The following NEK1 variants were observed in gnomAD, a reference collection of about 807,000 sequenced individuals.
The protein encoded by NEK1 is serine/threonine-protein kinase Nek1.
In NEK1, 137 loss-of-function variants were observed where a neutral mutation model predicts 182.1. The ratio of observed to expected loss-of-function variants is 0.75; its 90% CI spans 0.65 to 0.87. The LOEUF is 0.87. Ranked by LOEUF, NEK1 falls within the 40% of genes least tolerant of loss-of-function variation. The pLI, the probability that NEK1 is intolerant of heterozygous loss-of-function variation, is 0.00. For missense variants in NEK1, 1,391 were observed against 1,494.4 expected, an observed-to-expected ratio of 0.93 and a Z score of 1.14; for synonymous variants, 513 against 492.2, an observed-to-expected ratio of 1.04 and a Z score of -0.56.
chr4:169,580,993 C>A, intron 10 of NEK1, 91 bp from the exon 11 acceptor site: 15 of 426,270 alleles, frequency 3.5e-5, no homozygotes, highest in Non-Finnish European at 5.0e-5. Context: ...TCCCCTTTTT[C>A]AGTAGTAATT....
intron 23 of NEK1, among the ~76,000 whole-genome samples, chr4:169,487,378 C>T (rs781036703): frequency 2.0e-5 from 3 of 152,150 alleles, no homozygotes; most frequent in Admixed American, 2.0e-4. Flanking sequence ...GTATTCTCAT[C>T]GTTCAGCTCC....
chr4:169,479,432 C>A lies in NEK1; in HGVS notation c.2110G>T (p.Val704Leu). Reference protein sequence around the residue: ...SKQQMRSVISVTSALKEVGVD... With the variant: ...SKQQMRSVISLTSALKEVGVD... ...CCAACTTCTTTCAAAGCTGAAGTTA[C>A]AGAAATAACAGATCTCATCTGTTGC... Residue 704 changes from valine to leucine, a missense_variant, in exon 24 of 36, where the codon GTA becomes TTA. This residue lies in a region of NEK1 where 1,216 missense variants were observed against 1,277.6 expected (regional missense o/e 0.95). Coordinates refer to ENST00000507142, the MANE Select transcript of NEK1 (RefSeq NM_001199397.3). The A allele has an allele frequency of 6.2e-7, 1 of 1,611,276 alleles. No homozygotes were observed. The highest frequency in any genetic ancestry group is 8.5e-7 in the Non-Finnish European group (1 of 1,178,770).
chr4:169,448,165 T>C (rs1046787191), intron 27 of NEK1, among the ~76,000 whole-genome samples: 2 of 151,776 alleles, frequency 1.3e-5, no homozygotes, highest in African/African-American at 4.8e-5. Flanking sequence ...AGGTGGAAGT[T>C]GTAGTAAGCT....
Position 169,445,810 on chromosome 4 carries a change from C to A in NEK1, c.2588-7551G>T, listed in dbSNP as rs376160414. The stretch of plus-strand genomic sequence containing the variant: ...GCGATATACCCATGTAACAAACATG[C>A]ACATGCACCCACTAAACTTAAAACA... On this transcript the variant is annotated intron_variant, in intron 27 of 35. Coordinates refer to ENST00000507142, the MANE Select transcript of NEK1 (RefSeq NM_001199397.3). 2.0e-5 allele frequency among the ~76,000 whole-genome samples: 3 copies of A among 150,204 alleles called. No homozygotes were observed. The East Asian group carries it at 5.8e-4, about 29-fold the overall frequency.
At chr4:169,505,487 CAT>C (rs1342378752) in intron 23 of NEK1, among the ~76,000 whole-genome samples, 5 of 152,174 alleles carry the variant, frequency 3.3e-5, no homozygotes, top group African/African-American at 9.7e-5. Flanking sequence ...ATACACATAA[CAT>C]AAAATATATG....
chr4:169,542,240 C>G (rs1420253042), intron 18 of NEK1, among the ~76,000 whole-genome samples: 10 of 152,164 alleles, frequency 6.6e-5, no homozygotes. Context: ...TCAACTCCCA[C>G]TTATGAGTGA....
chr4:169,492,445 AGT>A (rs1371640553), intron 23 of NEK1, among the ~76,000 whole-genome samples: 1 of 152,124 alleles, frequency 6.6e-6, no homozygotes, highest in Non-Finnish European at 1.5e-5. Context: ...TGTAGGTGGG[AGT>A]GTGTCTCTGC....
At chr4:169,532,082 G>A (rs910673750) in intron 19 of NEK1, among the ~76,000 whole-genome samples, 9 of 152,146 alleles carry the variant, frequency 5.9e-5, no homozygotes, top group Admixed American at 3.9e-4. Flanking sequence ...GGTTGCCTAC[G>A]GCTGATGGCG....
chr4:169,606,929 C>T (rs764691532), intron 2 of NEK1, among the ~76,000 whole-genome samples: 36 of 152,186 alleles, frequency 2.4e-4, no homozygotes, highest in Non-Finnish European at 4.7e-4. Context: ...AGAGAGTTTC[C>T]AAACTGTGCT....
chr4:169,589,410 AACATTATATCAAAAC>A lies in NEK1; in HGVS notation c.464+22_464+36del, dbSNP rs748345824. The A allele has an allele frequency of 3.5e-5, 42 of 1,192,770 alleles. No homozygotes were observed. In the East Asian group the frequency reaches 1.1e-3, roughly 30 times the overall value. 73.9% of individuals were successfully genotyped at this position (1,192,770 alleles called of 1,614,324 possible). A position where few individuals can be genotyped will look rare whatever the true frequency, so the allele number is the denominator to read the frequency against. ...CATCATGGATTGAAGGTTCGCTGAA[AACATTATATCAAAAC>A]AAAGTTTAAAATTCATGTTACCTAT... is the stretch of plus-strand genomic sequence containing the variant. On this transcript the variant is annotated intron_variant, in intron 7 of 35. Transcript: ENST00000507142.
chr4:169,515,108 T>C (rs1226827914), intron 19 of NEK1, among the ~76,000 whole-genome samples: 1 of 152,174 alleles, frequency 6.6e-6, no homozygotes, highest in African/African-American at 2.4e-5. Flanking sequence ...AAAAGTGTGT[T>C]AATTTTTAAA....
chr4:169,445,706 AAAAAC>A (rs961448522), intron 27 of NEK1, among the ~76,000 whole-genome samples: 1 of 151,912 alleles, frequency 6.6e-6, no homozygotes, highest in Non-Finnish European at 1.5e-5. Context: ...GAAGGCAAAA[AAAAAC>A]AAAACAAAAC....
chr4:169,459,298 A>G (rs888764322), intron 27 of NEK1, among the ~76,000 whole-genome samples: 7 of 152,230 alleles, frequency 4.6e-5, no homozygotes, highest in Admixed American at 3.3e-4. Flanking sequence ...GTTCAACATC[A>G]TATGTTATTA....
At chr4:169,583,427 A>AAACCTAAG (rs1273388758) in intron 10 of NEK1, among the ~76,000 whole-genome samples, 1 of 152,232 alleles carries the variant, frequency 6.6e-6, no homozygotes, top group Non-Finnish European at 1.5e-5. Context: ...TTCATGAAGA[A>AAACCTAAG]TGAAATCTAA....
At chr4:169,581,039 T>TAAAAAAAAAAAAAAAAAAAAA (rs34236215) in intron 10 of NEK1, 137 bp from the exon 11 acceptor site, 1 of 128,952 alleles carries the variant, frequency 7.8e-6, no homozygotes, top group Non-Finnish European at 1.5e-5. Context: ...ACCAAGTTGT[T>TAAAAAAAAAAAAAAAAAAAAA]AAAAAAAAAA....
chr4:169,600,606 T>TATGATAAAGCTA (rs1366050684), intron 4 of NEK1, among the ~76,000 whole-genome samples: 2 of 152,174 alleles, frequency 1.3e-5, no homozygotes, highest in Non-Finnish European at 2.9e-5. Context: ...TAAGAATCTA[T>TATGATAAAGCTA]ATGATAAAGC....
chr4:169,507,126 CA>C lies in NEK1; in HGVS notation c.1917del (p.His639GlnfsTer9). Reference sequence around the variant, plus strand: ...TTTAGTACAGCAGCACGTGCATTTGCATGGGCCTAAAAATAAAAACAATTAA... The same window carrying C: ...TTTAGTACAGCAGCACGTGCATTTGCTGGGCCTAAAAATAAAAACAATTAA... ...RRKKIESLKA[H>X]ANARAAVLKE... On this transcript the variant is annotated frameshift_variant, in exon 23 of 36. Transcript: ENST00000507142. LOFTEE classifies it high-confidence loss of function. The C allele has an allele frequency of 6.3e-7, 1 of 1,583,570 alleles. No homozygotes were observed. The highest frequency in any genetic ancestry group is 8.6e-7 in the Non-Finnish European group (1 of 1,165,472).
At chr4:169,462,816 G>A (rs1744214670) in intron 27 of NEK1, among the ~76,000 whole-genome samples, 1 of 152,074 alleles carries the variant, frequency 6.6e-6, no homozygotes, top group Non-Finnish European at 1.5e-5. Flanking sequence ...TATGGATCAG[G>A]AATATTTCCT....
rs535122760 is a variant in NEK1 at position 169,473,528 on chromosome 4, A to G, written c.2434+3596T>C. 4.6e-5 allele frequency among the ~76,000 whole-genome samples: 7 copies of G among 152,296 alleles called. No homozygotes were observed. In the East Asian group the frequency reaches 1.4e-3, roughly 29 times the overall value. ...CTGCACATGTACACCCTGAATCTAT[A>G]GAAATAAAATAGATTTAAATAAATA... On this transcript the variant is annotated intron_variant, in intron 26 of 35. Transcript: ENST00000507142.
Sources: allele counts gnomAD v4.1 joint callset (sites outside exome capture counted in the v4.1 genomes callset), GRCh38; gene constraint gnomAD v4.1.1; regional missense constraint gnomAD v4.1.1; transcripts MANE v1.5; gene names NCBI Gene and HGNC (gene_info 2026-07-23, HGNC 2026-07-21).